The following CGN variants were observed in gnomAD, a reference collection of about 807,000 sequenced individuals.
CGN encodes cingulin.
A neutral mutation model predicts 157.1 loss-of-function variants in CGN; 121 were observed. The ratio of observed to expected loss-of-function variants is 0.77; its 90% confidence interval spans 0.66 to 0.90. CGN has a LOEUF of 0.90. CGN is among the 40% of genes least tolerant of loss of function. The pLI is 0.00. For missense variants in CGN, 1,424 were observed against 1,520.9 expected (o/e 0.94, Z 1.06); for synonymous variants, 535 against 607.5 (o/e 0.88, Z 1.76).
In CGN at chr1:151,518,918, C is replaced by T. The variant is rs1003052721; in HGVS notation, c.399C>T (p.Leu133=). The part of the protein sequence containing the change: ...EPGAYWNGKL[L]RSHSQASLAG... Reference sequence around the variant, plus strand: ...GGGCCTACTGGAATGGAAAGCTACTCCGTTCCCACTCCCAGGCCTCACTGG... The same window carrying T: ...GGGCCTACTGGAATGGAAAGCTACTTCGTTCCCACTCCCAGGCCTCACTGG... Residue 133 remains leucine (L), a synonymous_variant, in exon 2 of 21, where the codon CTC becomes CTT. Transcript: ENST00000271636. 1 of 1,614,176 alleles carries T rather than the reference C, an allele frequency of 6.2e-7. No homozygotes were observed.
Position 151,529,536 on chromosome 1 carries a change from C to T in CGN, c.2083C>T (p.Gln695Ter), listed in dbSNP as rs534471408. 4.3e-6 allele frequency: 7 copies of T among 1,613,812 alleles called. No individual in the cohort carries two copies. Among genetic ancestry groups the T allele is most frequent in the Non-Finnish European group, 5.9e-6 (7 of 1,179,924 alleles). ...ACAAAAGACCCTCCAGCAACTGCGA[C>T]AGGACTGTGAAGAGGCTTCCAAGGC... ...QLQKTLQQLR[Q>*]DCEEASKAKM... Residue 695 changes from glutamine (Q) to a stop codon, truncating the protein, a stop_gained, in exon 11 of 21, where the codon CAG (glutamine) becomes TAG (stop). Coordinates refer to ENST00000271636, the MANE Select transcript of CGN (RefSeq NM_020770.3). LOFTEE classifies it high-confidence loss of function.
At position 151,532,551 on chromosome 1, in the gene CGN, A is replaced by T. The variant is rs777640785; in HGVS notation, c.2721A>T (p.Gly907=). 6.5e-7 allele frequency: 1 copy of T among 1,547,684 alleles called. No individual in the cohort carries two copies. Among genetic ancestry groups the T allele is most frequent in the Non-Finnish European group, 8.7e-7 (1 of 1,151,816 alleles). ...WASEAEKTSG[G]LSRLQDEIQR... ...GTGAGGCTGAGAAGACCTCTGGAGG[A>T]CTGAGCCGACTTCAGGATGAGGTAG... Residue 907 remains glycine, a synonymous_variant, in exon 14 of 21, where the codon GGA becomes GGT. Transcript: ENST00000271636.
In CGN at chr1:151,518,963, T is replaced by A. The variant is rs1406456584; in HGVS notation, c.444T>A (p.Asp148Glu). 1 of 1,613,946 alleles carries A rather than the reference T, an allele frequency of 6.2e-7. No individual in the cohort carries two copies. The highest frequency in any genetic ancestry group is 1.3e-5 in the African/African-American group (1 of 74,876). The change falls in exon 2 of 21, where the codon GAT (aspartate) becomes GAA (glutamate). Residue 148 changes from aspartate to glutamate, a missense_variant. Around this residue, in one of 3 missense-constraint regions of CGN, gnomAD observed 1,187 missense variants for 1,217.6 expected, o/e 0.97. Transcript: ENST00000271636. ...CACTGGCAGGCCCTGGCCCAGTGGA[T>A]CCTAGTAACAGAAGCAACAGCATGC... ...QASLAGPGPV[D>E]PSNRSNSMLE...
intron 1 of CGN, 65 bp from the exon 2 acceptor site, chr1:151,518,441 G>A (rs1051073117): frequency 9.4e-6 from 13 of 1,376,512 alleles, no homozygotes; most frequent in African/African-American, 7.3e-5. Flanking sequence ...AAGTCAGCCC[G>A]CAGGTAGAAG....
At chr1:151,513,176 C>T (rs1664339858) in intron 1 of CGN, among the ~76,000 whole-genome samples, 1 of 152,252 alleles carries the variant, frequency 6.6e-6, no homozygotes, top group African/African-American at 2.4e-5. Flanking sequence ...TGCCTGTGGT[C>T]TTGCCCCTCT....
rs2102499751 is a variant in CGN at position 151,530,515 on chromosome 1, C to T, written c.2340C>T (p.Ala780=). 1 of 1,598,576 alleles carries T rather than the reference C, an allele frequency of 6.3e-7. No homozygotes were observed. The change falls in exon 13 of 21, where the codon GCC becomes GCT. Residue 780 remains alanine (A), a synonymous_variant. Transcript: ENST00000271636. ...LEAEKQQLEE[A]LNASQEEEGS... The stretch of plus-strand genomic sequence containing the variant: ...CAGAGAAACAGCAGCTGGAGGAGGC[C>T]CTGAATGCGTCCCAGGAAGAGGAGG...
In CGN at chr1:151,535,024, C is replaced by G. The variant is rs1226691950; in HGVS notation, c.2905-18C>G. On this transcript the variant is annotated intron_variant, in intron 15 of 20. Transcript: ENST00000271636. ...GTGTCCAGCATTTGGGACAGAATTA[C>G]TTGTTCTTCTGTCCTAGGAAAAAGT... 6.3e-7 allele frequency: 1 copy of G among 1,593,660 alleles called. No individual in the cohort carries two copies. The highest frequency in any genetic ancestry group is 8.6e-7 in the Non-Finnish European group (1 of 1,162,006).
At chr1:151,532,262 T>C (rs1456629637) in intron 13 of CGN, 140 bp from the exon 14 acceptor site, 10 of 534,364 alleles carry the variant, frequency 1.9e-5, no homozygotes, top group Non-Finnish European at 3.2e-5. Context: ...CTATTAGCTA[T>C]ACTAGGAACC....
intron 10 of CGN, chr1:151,527,941 T>TAC (rs1664726055): frequency 7.1e-6 from 1 of 141,218 alleles, no homozygotes; most frequent in Admixed American, 9.8e-5. Flanking sequence ...ACACTATATA[T>TAC]ATATATATAT....
intron 10 of CGN, among the ~76,000 whole-genome samples, chr1:151,528,269 G>A (rs1379826541): frequency 4.6e-5 from 7 of 151,666 alleles, no homozygotes; most frequent in Non-Finnish European, 8.8e-5. Context: ...TTACAGGCGT[G>A]AGCCACCGCA....
At chr1:151,530,176 A>C in intron 12 of CGN, 61 bp downstream of exon 12, 1 of 1,513,080 alleles carries the variant, frequency 6.6e-7, no homozygotes, top group South Asian at 1.2e-5. Flanking sequence ...TCCTATGCTA[A>C]GTAGTTAGCC....
intron 9 of CGN, among the ~76,000 whole-genome samples, chr1:151,526,086 C>A (rs1043953295): frequency 6.6e-6 from 1 of 150,950 alleles, no homozygotes; most frequent in Admixed American, 6.6e-5. Flanking sequence ...TTGGCCAGGC[C>A]AGTCTCGAAC....
At chr1:151,520,859 G>C (rs1018059416) in intron 5 of CGN, among the ~76,000 whole-genome samples, 168 bp downstream of exon 5, 1 of 152,210 alleles carries the variant, frequency 6.6e-6, no homozygotes, top group African/African-American at 2.4e-5. Context: ...CTGGGGTTCT[G>C]TGGGGGTTAG....
At position 151,511,702 on chromosome 1, in the gene CGN, G is replaced by C. The variant is rs564303120; in HGVS notation, c.-15+187G>C. On this transcript the variant is annotated intron_variant, in intron 1 of 20. Transcript: ENST00000271636. This position sits in a 1 kb window ranked among gnomAD's most constrained non-coding sequence, Gnocchi z 4.8. ...ATTAAGAGCCGACCCCTACCCTGAG[G>C]TGCCAGATGCAGGTGGCTAGGAAGG... Among the ~76,000 whole-genome samples, 469 of 152,324 alleles carry C rather than the reference G, an allele frequency of 3.1e-3. 1 individual carries two copies. The highest frequency in any genetic ancestry group is 0.011 in the African/African-American group (457 of 41,576).
chr1:151,528,244 C>A (rs1664743168), intron 10 of CGN, among the ~76,000 whole-genome samples: 1 of 151,964 alleles, frequency 6.6e-6, no homozygotes, highest in African/African-American at 2.4e-5. Flanking sequence ...TCCTTGGCCT[C>A]CCAAAGTGCC....
chr1:151,537,422 G>A lies in CGN; in HGVS notation c.*76G>A. ...GTGCTGCTCTGCTCTGCCCACCCTG[G>A]GTTCTGCATTCCTATGGGTGACCCA... On this transcript the variant is annotated 3_prime_UTR_variant, in exon 21 of 21. Coordinates refer to ENST00000271636, the MANE Select transcript of CGN (RefSeq NM_020770.3). The A allele has an allele frequency of 1.4e-6, 2 of 1,384,400 alleles. No individual in the cohort carries two copies. The highest frequency in any genetic ancestry group is 9.9e-7 in the Non-Finnish European group (1 of 1,006,578). 85.8% of individuals were successfully genotyped at this position (1,384,400 alleles called of 1,614,324 possible). A position where few individuals can be genotyped will look rare whatever the true frequency, so the allele number is the denominator to read the frequency against.
At position 151,518,888 on chromosome 1, in the gene CGN, G is replaced by A; in HGVS notation, c.369G>A (p.Glu123=). 1 of 1,614,082 alleles carries A rather than the reference G, an allele frequency of 6.2e-7. No individual in the cohort carries two copies. Residue 123 remains glutamate, a synonymous_variant, in exon 2 of 21, where the codon GAG becomes GAA. Transcript: ENST00000271636. ...CGCAGAGCAGCACATCTGATGAGGA[G>A]CCTGGGGCCTACTGGAATGGAAAGC... ...APSQSSTSDE[E]PGAYWNGKLL...
At chr1:151,520,568 TC>T in intron 4 of CGN, 27 bp from the exon 5 acceptor site, 1 of 1,613,488 alleles carries the variant, frequency 6.2e-7, no homozygotes, top group Non-Finnish European at 8.5e-7. Flanking sequence ...CTCACTCCCT[TC>T]CCCCACACCC....
At chr1:151,536,993 C>A in intron 20 of CGN, 100 bp downstream of exon 20, 1 of 1,355,408 alleles carries the variant, frequency 7.4e-7, no homozygotes, top group Non-Finnish European at 1.0e-6. Flanking sequence ...TAACATGGTA[C>A]TGTGTAGTCA....
Sources: allele counts gnomAD v4.1 joint callset (sites outside exome capture counted in the v4.1 genomes callset), GRCh38; gene constraint gnomAD v4.1.1; regional missense constraint gnomAD v4.1.1; non-coding constraint Gnocchi (gnomAD v3.1); transcripts MANE v1.5; gene names NCBI Gene and HGNC (gene_info 2026-07-23, HGNC 2026-07-21).